COL22A1: variants seen among roughly 807,000 people sequenced by gnomAD.
COL22A1 encodes collagen type XXII alpha 1 chain.
In COL22A1, 221 loss-of-function variants were observed where a neutral mutation model predicts 248.9. That is an observed-to-expected ratio of 0.89 (90% CI 0.80 to 0.99). The LOEUF is 0.99. Among genes scored for constraint, COL22A1 ranks in the 50% least tolerant of loss-of-function variants. The pLI is 0.00. For missense variants in COL22A1, 2,240 were observed against 2,179.0 expected, an observed-to-expected ratio of 1.03 and a Z score of -0.56; for synonymous variants, 891 against 793.4, an observed-to-expected ratio of 1.12 and a Z score of -2.07.
chr8:138,777,422 T>G (rs534840685), intron 15 of COL22A1, among the ~76,000 whole-genome samples: 5 of 152,324 alleles, frequency 3.3e-5, no homozygotes, highest in African/African-American at 1.2e-4. Context: ...CTCAAGCTGC[T>G]TTGCTTGAAA....
At chr8:138,897,781 A>G (rs1359516171) in intron 1 of COL22A1, among the ~76,000 whole-genome samples, 1 of 151,600 alleles carries the variant, frequency 6.6e-6, no homozygotes, top group Non-Finnish European at 1.5e-5. Context: ...ATTCTCCTTC[A>G]TTCTGAAAAA....
intron 23 of COL22A1, among the ~76,000 whole-genome samples, chr8:138,733,784 G>A (rs1292239389): frequency 6.6e-6 from 1 of 152,136 alleles, no homozygotes; most frequent in Admixed American, 6.5e-5. Flanking sequence ...CCTTGTGGAT[G>A]CAGGGAGGGC....
chr8:138,656,876 T>C (rs6989017), intron 44 of COL22A1, among the ~76,000 whole-genome samples: 119,034 of 152,168 alleles, frequency 0.78, 48,309 homozygotes, highest in Middle Eastern at 0.91. Flanking sequence ...AATTACAAAT[T>C]CAGTCTGCCA....
chr8:138,776,076 G>T lies in COL22A1; in HGVS notation c.1759-66C>A, dbSNP rs899721060. 6.5e-6 allele frequency: 10 copies of T among 1,547,526 alleles called. No homozygotes were observed. The African/African-American group carries it at 1.2e-4, about 19-fold the overall frequency. On this transcript the variant is annotated intron_variant, in intron 15 of 64. Transcript: ENST00000303045. ...TGGCTTCTCTGTGCTCACCGTGGGG[G>T]TGTCCATGGAGAAACTGCCTGGCAG... is the stretch of plus-strand genomic sequence containing the variant.
intron 47 of COL22A1, among the ~76,000 whole-genome samples, chr8:138,638,256 T>A (rs938166907): frequency 2.0e-5 from 3 of 152,218 alleles, no homozygotes; most frequent in African/African-American, 7.2e-5. Context: ...AACATTTCAA[T>A]TCCTTTAAAA....
chr8:138,747,626 C>A (rs897784471), intron 22 of COL22A1, among the ~76,000 whole-genome samples: 2 of 152,144 alleles, frequency 1.3e-5, no homozygotes, highest in Admixed American at 6.5e-5. Flanking sequence ...CTTCATGGGG[C>A]CTTCCTGCAT....
rs1819275763 is a variant in COL22A1 at position 138,615,888 on chromosome 8, G to A, written c.3924+113C>T. 9.5e-6 allele frequency: 7 copies of A among 740,568 alleles called. No individual in the cohort carries two copies. In the South Asian group the frequency reaches 1.0e-4, roughly 11 times the overall value. The allele number at this position is 740,568 out of a possible 1,614,324, so 45.9% of individuals were successfully genotyped here. On this transcript the variant is annotated intron_variant, in intron 55 of 64. Coordinates refer to ENST00000303045, the MANE Select transcript of COL22A1 (RefSeq NM_152888.3). ...CAACCAATCCTGTGATGTCATCTGT[G>A]TGCCTCTTGGCAGTGCTGCCACCAG...
At chr8:138,823,247 T>C (rs973891640) in intron 6 of COL22A1, among the ~76,000 whole-genome samples, 2 of 152,196 alleles carry the variant, frequency 1.3e-5, no homozygotes, top group Admixed American at 6.5e-5. Flanking sequence ...ATAATATATA[T>C]AAAACATTTA....
At chr8:138,700,759 C>T (rs186269565) in intron 31 of COL22A1, among the ~76,000 whole-genome samples, 30 of 152,132 alleles carry the variant, frequency 2.0e-4, no homozygotes, top group Non-Finnish European at 3.8e-4. Flanking sequence ...CCAAGGCGGG[C>T]GGATCACGAG....
At position 138,630,766 on chromosome 8, in the gene COL22A1, G is replaced by A. The variant is rs752848668; in HGVS notation, c.3610-18C>T. 1.6e-5 allele frequency: 26 copies of A among 1,612,914 alleles called. No homozygotes were observed. The South Asian group carries it at 2.7e-4, about 17-fold the overall frequency. ...TCTGCCCCCTAAAAAAGACAAGGCA[G>A]AAAGCTAGTTTCTTGTGCATCTAGA... On this transcript the variant is annotated intron_variant, in intron 49 of 64. Coordinates refer to ENST00000303045, the MANE Select transcript of COL22A1 (RefSeq NM_152888.3).
At chr8:138,784,142 A>G (rs1211069636) in intron 12 of COL22A1, among the ~76,000 whole-genome samples, 1 of 152,232 alleles carries the variant, frequency 6.6e-6, no homozygotes, top group Non-Finnish European at 1.5e-5. Flanking sequence ...GGGTTAAAAG[A>G]GGAAACACTG....
At position 138,769,677 on chromosome 8, in the gene COL22A1, C is replaced by G. The variant is rs149830995; in HGVS notation, c.1803+6289G>C. On this transcript the variant is annotated intron_variant, in intron 16 of 64. Coordinates refer to ENST00000303045, the MANE Select transcript of COL22A1 (RefSeq NM_152888.3). ...CAAGTGGCTGCTCCATAAAGGCAAC[C>G]GAGTGAAGATGAATGCGGGCATCTG... Among the ~76,000 whole-genome samples the G allele has an allele frequency of 5.0e-3, 762 of 152,268 alleles. 7 individuals carry two copies. The highest frequency in any genetic ancestry group is 6.9e-3 in the Non-Finnish European group (466 of 68,024).
At chr8:138,782,261 C>T (rs1169112555) in intron 12 of COL22A1, among the ~76,000 whole-genome samples, 2 of 151,964 alleles carry the variant, frequency 1.3e-5, no homozygotes, top group Non-Finnish European at 2.9e-5. Flanking sequence ...TTCTTTCACT[C>T]GAACTGGAGT....
At chr8:138,794,436 T>C (rs1816325905) in intron 12 of COL22A1, among the ~76,000 whole-genome samples, 2 of 150,974 alleles carry the variant, frequency 1.3e-5, no homozygotes, top group Admixed American at 6.6e-5. Flanking sequence ...ACGCAGATGG[T>C]CTCACCACTG....
chr8:138,740,594 G>T (rs1254988767), intron 22 of COL22A1, among the ~76,000 whole-genome samples: 1 of 152,324 alleles, frequency 6.6e-6, no homozygotes, highest in African/African-American at 2.4e-5. Context: ...TGCCAGGAAA[G>T]TTGAATCAAT....
chr8:138,873,902 A>G (rs1025163973), intron 3 of COL22A1, among the ~76,000 whole-genome samples: 10 of 152,206 alleles, frequency 6.6e-5, no homozygotes, highest in Non-Finnish European at 1.5e-4. Context: ...ACTACATCAA[A>G]AAAAACCCTG....
chr8:138,685,292 G>T lies in COL22A1; in HGVS notation c.2883C>A (p.Gly961=). Residue 961 remains glycine (G), a synonymous_variant, in exon 38 of 65, where the codon GGC becomes GGA. Coordinates refer to ENST00000303045, the MANE Select transcript of COL22A1 (RefSeq NM_152888.3). The stretch of plus-strand genomic sequence containing the variant: ...CCCTGGGACCAACTGGCCCTGGGCT[G>T]CCTTCTTCCCCCGCTGCACCCTGGA... ...RGEKGAAGEE[G]SPGPVGPRGD... 1.2e-6 allele frequency: 2 copies of T among 1,613,812 alleles called. No homozygotes were observed. The highest frequency in any genetic ancestry group is 1.7e-6 in the Non-Finnish European group (2 of 1,179,854).
intron 3 of COL22A1, among the ~76,000 whole-genome samples, chr8:138,856,405 T>C (rs930378012): frequency 2.0e-5 from 3 of 150,416 alleles, no homozygotes; most frequent in African/African-American, 7.4e-5. Context: ...AGAGAAGCAG[T>C]GACAGCAAGA....
chr8:138,775,702 G>T (rs903110182), intron 16 of COL22A1, among the ~76,000 whole-genome samples: 2 of 152,200 alleles, frequency 1.3e-5, no homozygotes, highest in Admixed American at 1.3e-4. Context: ...CCTTGGTGCA[G>T]AGGATGACAA....
Sources: gnomAD v4.1 joint callset for allele counts (sites outside exome capture counted in the v4.1 genomes callset) on GRCh38, gnomAD v4.1.1 for gene constraint, MANE v1.5 for transcripts, NCBI Gene and HGNC (gene_info 2026-07-23, HGNC 2026-07-21) for gene names.